Variants in HYAL4 observed in about 807,000 individuals in gnomAD.
HYAL4 encodes hyaluronidase-4.
HYAL4 carries 37 observed loss-of-function variants against 35.2 expected under a neutral mutation model. The observed-to-expected ratio is 1.05, with a 90% CI of 0.81 to 1.38. The LOEUF is 1.38. Among genes scored for constraint, HYAL4 ranks in the 40% most tolerant of loss-of-function variants. The pLI, the probability that HYAL4 is intolerant of heterozygous loss-of-function variation, is 0.00. For synonymous variants in HYAL4, 198 were observed against 203.2 expected (o/e 0.97, Z 0.22); for missense variants, 572 against 572.4 (o/e 1.00, Z 0.01).
intron 2 of HYAL4, among the ~76,000 whole-genome samples, chr7:123,865,775 G>A (rs1256107402): frequency 6.6e-6 from 1 of 152,112 alleles, no homozygotes; most frequent in Non-Finnish European, 1.5e-5. Flanking sequence ...AGCCACAAAA[G>A]CACCTTGTAT....
chr7:123,777,549 G>C, the HYAL4 span, among the ~76,000 whole-genome samples: 1 of 152,070 alleles, frequency 6.6e-6, no homozygotes, highest in African/African-American at 2.4e-5. Flanking sequence ...ATTCACACGT[G>C]CAAAAAGTTT....
At chr7:123,807,914 A>AATAATTATTATTATT in the HYAL4 span, among the ~76,000 whole-genome samples, 2 of 136,572 alleles carry the variant, frequency 1.5e-5, no homozygotes, top group African/African-American at 5.4e-5. Context: ...TTAGCTGGAT[A>AATAATTATTATTATT]ATTATTATTA....
chr7:123,804,214 AT>A, the HYAL4 span, among the ~76,000 whole-genome samples: 1 of 152,220 alleles, frequency 6.6e-6, no homozygotes, highest in African/African-American at 2.4e-5. Flanking sequence ...GTAACGAAGT[AT>A]ATGGTGAGTG....
intron 2 of HYAL4, among the ~76,000 whole-genome samples, chr7:123,850,415 A>G (rs370116135): frequency 6.6e-6 from 1 of 151,894 alleles, no homozygotes; most frequent in Non-Finnish European, 1.5e-5. Flanking sequence ...AATTTTTTGT[A>G]TTTTTTGTAA....
intron 2 of HYAL4, among the ~76,000 whole-genome samples, chr7:123,865,444 C>T (rs1157183507): frequency 6.6e-6 from 1 of 152,130 alleles, no homozygotes; most frequent in Non-Finnish European, 1.5e-5. Context: ...CTTGAAAATA[C>T]TATTCTCTTC....
At chr7:123,789,818 A>G in the HYAL4 span, among the ~76,000 whole-genome samples, 2 of 152,076 alleles carry the variant, frequency 1.3e-5, no homozygotes, top group African/African-American at 2.4e-5. Context: ...ACAAATATGT[A>G]TGTGTATGTG....
the HYAL4 span, among the ~76,000 whole-genome samples, chr7:123,764,835 T>C: frequency 6.6e-6 from 1 of 152,216 alleles, no homozygotes; most frequent in Non-Finnish European, 1.5e-5. Flanking sequence ...TTTTGCCAGC[T>C]ACCAGCTTCC....
chr7:123,853,013 T>A (rs989111961), intron 2 of HYAL4, among the ~76,000 whole-genome samples: 17 of 152,328 alleles, frequency 1.1e-4, no homozygotes, highest in African/African-American at 3.6e-4. Flanking sequence ...GAATAGGAGT[T>A]CATTCATGAT....
In HYAL4 at chr7:123,876,891, G is replaced by A. The variant is rs138391454; in HGVS notation, c.1182G>A (p.Ala394=). The change falls in exon 5 of 5, where the codon GCG becomes GCA. Residue 394 remains alanine (A), a synonymous_variant. Transcript: ENST00000223026. ...NGRCIRKMWN[A]PSYLHLNPAS... ...GGTGCATAAGGAAGATGTGGAACGC[G>A]CCCAGTTACCTTCACTTGAACCCTG... 173 of 1,614,158 alleles carry A rather than the reference G, an allele frequency of 1.1e-4. 1 individual carries two copies. Among genetic ancestry groups the A allele is most frequent in the South Asian group, 8.2e-4 (75 of 91,074 alleles).
At chr7:123,772,983 G>C in the HYAL4 span, among the ~76,000 whole-genome samples, 2 of 152,098 alleles carry the variant, frequency 1.3e-5, no homozygotes, top group East Asian at 3.8e-4. Context: ...ACACCGCATT[G>C]TCTCTCCTAA....
the HYAL4 span, among the ~76,000 whole-genome samples, chr7:123,809,384 T>TTTCTTC: frequency 1.3e-5 from 2 of 151,254 alleles, no homozygotes; most frequent in Non-Finnish European, 2.9e-5. Context: ...CTTTCTTTTT[T>TTTCTTC]TTCTTCTTCT....
intron 4 of HYAL4, among the ~76,000 whole-genome samples, chr7:123,875,590 G>GAGGTTGCAGTGAGCCA (rs1424598046): frequency 6.7e-6 from 1 of 149,982 alleles, no homozygotes; most frequent in Non-Finnish European, 1.5e-5. Flanking sequence ...CTGGGAGGCA[G>GAGGTTGCAGTGAGCCA]AGGTTGCAGT....
chr7:123,810,241 T>G, the HYAL4 span, among the ~76,000 whole-genome samples: 1 of 152,148 alleles, frequency 6.6e-6, no homozygotes, highest in African/African-American at 2.4e-5. Context: ...GGTGTCAATC[T>G]GAAATTGGCT....
the HYAL4 span, among the ~76,000 whole-genome samples, chr7:123,816,804 A>G: frequency 6.6e-6 from 1 of 151,964 alleles, no homozygotes; most frequent in Non-Finnish European, 1.5e-5. Context: ...AAAAAACAGT[A>G]TGGGTTTTTC....
chr7:123,875,656 C>CA (rs1167401861), intron 4 of HYAL4, among the ~76,000 whole-genome samples: 879 of 62,082 alleles, frequency 0.014, 10 homozygotes, highest in African/African-American at 0.037. Context: ...GACTCCATCT[C>CA]AAAAAAAAAA....
upstream of HYAL4, among the ~76,000 whole-genome samples, chr7:123,842,090 G>T (rs1043536800): frequency 7.9e-5 from 12 of 152,012 alleles, no homozygotes; most frequent in African/African-American, 2.9e-4. Context: ...TGTGATGTTA[G>T]GGTGATGATT....
the HYAL4 span, among the ~76,000 whole-genome samples, chr7:123,791,672 G>T: frequency 6.6e-6 from 1 of 152,196 alleles, no homozygotes; most frequent in Non-Finnish European, 1.5e-5. Flanking sequence ...CACAGACATG[G>T]ATGGCAGCTC....
the HYAL4 span, among the ~76,000 whole-genome samples, chr7:123,768,520 C>T: frequency 8.5e-3 from 1,293 of 152,254 alleles, 19 homozygotes; most frequent in African/African-American, 0.029. Flanking sequence ...CTCAGAGACT[C>T]GGGATGTTTT....
the HYAL4 span, among the ~76,000 whole-genome samples, chr7:123,792,483 G>A: frequency 4.6e-5 from 7 of 152,174 alleles, no homozygotes. Flanking sequence ...AACACAGATA[G>A]CTGTAGCTTT....
Sources: gnomAD v4.1 joint callset for allele counts (sites outside exome capture counted in the v4.1 genomes callset) on GRCh38, gnomAD v4.1.1 for gene constraint, MANE v1.5 for transcripts, NCBI Gene and HGNC (gene_info 2026-07-23, HGNC 2026-07-21) for gene names.